Variants in ZNF385B observed in about 807,000 individuals in gnomAD.
ZNF385B encodes the protein zinc finger protein 385B.
In ZNF385B, 23 loss-of-function variants were observed where a neutral mutation model predicts 39.2. The ratio of observed to expected loss-of-function variants is 0.59; its 90% CI spans 0.42 to 0.83. ZNF385B has a LOEUF of 0.83. Among genes scored for constraint, ZNF385B ranks in the 40% least tolerant of loss-of-function variants. The pLI is 0.00. For synonymous variants in ZNF385B, 205 were observed against 222.6 expected (o/e 0.92, Z 0.70); for missense variants, 552 against 598.9 (o/e 0.92, Z 0.82).
chr2:179,818,559 G>A (rs1239864642), intron 1 of ZNF385B, among the ~76,000 whole-genome samples: 1 of 152,104 alleles, frequency 6.6e-6, no homozygotes, highest in Non-Finnish European at 1.5e-5. Context: ...TCTCTCGCTA[G>A]AGTGTTAATA....
intron 3 of ZNF385B, among the ~76,000 whole-genome samples, chr2:179,546,426 G>A (rs531445010): frequency 9.2e-5 from 14 of 152,192 alleles, no homozygotes; most frequent in Non-Finnish European, 1.8e-4. Context: ...TCTGTGTCCA[G>A]TTCAATTGTT....
intron 3 of ZNF385B, among the ~76,000 whole-genome samples, chr2:179,707,446 C>T (rs1699691907): frequency 6.6e-6 from 1 of 152,230 alleles, no homozygotes; most frequent in African/African-American, 2.4e-5. Context: ...GAGCAACATC[C>T]TCACATCTCC....
chr2:179,540,560 C>G (rs2059856608), intron 4 of ZNF385B, among the ~76,000 whole-genome samples: 1 of 152,126 alleles, frequency 6.6e-6, no homozygotes, highest in Non-Finnish European at 1.5e-5. Context: ...ATCGCCTGGT[C>G]TTAGAAGGGA....
intron 3 of ZNF385B, among the ~76,000 whole-genome samples, chr2:179,645,270 T>G (rs1315736386): frequency 6.6e-6 from 1 of 152,212 alleles, no homozygotes; most frequent in East Asian, 1.9e-4. Flanking sequence ...CAGAACTTTG[T>G]AATTTCTGAC....
chr2:179,642,217 T>C (rs1692327844), intron 3 of ZNF385B, among the ~76,000 whole-genome samples: 1 of 152,206 alleles, frequency 6.6e-6, no homozygotes, highest in Admixed American at 6.6e-5. Flanking sequence ...TCTTGTCTTC[T>C]ACCTTCAGAT....
At chr2:179,691,540 C>T (rs1468111716) in intron 3 of ZNF385B, among the ~76,000 whole-genome samples, 1 of 152,170 alleles carries the variant, frequency 6.6e-6, no homozygotes, top group African/African-American at 2.4e-5. Flanking sequence ...CACAGAACCT[C>T]ACATCCTGAT....
At chr2:179,531,171 C>T (rs931019059) in intron 4 of ZNF385B, among the ~76,000 whole-genome samples, 4 of 152,116 alleles carry the variant, frequency 2.6e-5, no homozygotes, top group Admixed American at 1.3e-4. Flanking sequence ...TCAGGTAACA[C>T]CTGAACCCAG....
intron 4 of ZNF385B, among the ~76,000 whole-genome samples, chr2:179,529,285 C>T (rs1317983177): frequency 6.6e-6 from 1 of 152,134 alleles, no homozygotes; most frequent in Non-Finnish European, 1.5e-5. Flanking sequence ...CGAATTATGT[C>T]TTCTAAGAAA....
At chr2:179,660,622 G>A (rs1694352715) in intron 3 of ZNF385B, among the ~76,000 whole-genome samples, 1 of 151,694 alleles carries the variant, frequency 6.6e-6, no homozygotes, top group Non-Finnish European at 1.5e-5. Flanking sequence ...TTTATTATTC[G>A]GTGCTATGAG....
intron 1 of ZNF385B, among the ~76,000 whole-genome samples, chr2:179,833,787 A>G (rs1036431651): frequency 1.6e-4 from 24 of 152,174 alleles, no homozygotes; most frequent in African/African-American, 5.8e-4. Flanking sequence ...GAACCTAATT[A>G]TATATCCAAT....
At chr2:179,843,791 C>G (rs1352110) in intron 1 of ZNF385B, among the ~76,000 whole-genome samples, 50,169 of 152,142 alleles carry the variant, frequency 0.33, 8,711 homozygotes, top group African/African-American at 0.42. Flanking sequence ...CTTCAACATA[C>G]AGGCAGGGCC....
At chr2:179,665,713 A>C (rs1355834408) in intron 3 of ZNF385B, among the ~76,000 whole-genome samples, 1 of 152,150 alleles carries the variant, frequency 6.6e-6, no homozygotes, top group Non-Finnish European at 1.5e-5. Context: ...CCCTTCCTAC[A>C]CTGGATAGCA....
chr2:179,807,653 T>C (rs1706443372), intron 1 of ZNF385B, among the ~76,000 whole-genome samples: 1 of 151,818 alleles, frequency 6.6e-6, no homozygotes, highest in Non-Finnish European at 1.5e-5. Flanking sequence ...CCCAGCACTT[T>C]AGGAGGCCAA....
chr2:179,651,156 G>C (rs890958648), intron 3 of ZNF385B, among the ~76,000 whole-genome samples: 1 of 151,260 alleles, frequency 6.6e-6, no homozygotes, highest in Non-Finnish European at 1.5e-5. Context: ...TTTTAACCAC[G>C]TAAGGAAAAT....
intron 1 of ZNF385B, among the ~76,000 whole-genome samples, chr2:179,819,336 C>T (rs550543162): frequency 1.3e-5 from 2 of 152,206 alleles, no homozygotes; most frequent in Non-Finnish European, 2.9e-5. Context: ...CAGTGCAGAC[C>T]TTGGAATCTT....
chr2:179,698,649 AAT>A (rs1232055749), intron 3 of ZNF385B, among the ~76,000 whole-genome samples: 2 of 152,214 alleles, frequency 1.3e-5, no homozygotes, highest in African/African-American at 4.8e-5. Context: ...TTAAACTGGA[AAT>A]ATATAGAGTT....
chr2:179,812,646 C>T (rs1183214409), intron 1 of ZNF385B, among the ~76,000 whole-genome samples: 1 of 151,996 alleles, frequency 6.6e-6, no homozygotes, highest in Admixed American at 6.6e-5. Context: ...CACTAGAGCA[C>T]AGAGGGAGAG....
intron 3 of ZNF385B, among the ~76,000 whole-genome samples, chr2:179,754,404 G>C (rs982243479): frequency 3.3e-5 from 5 of 152,020 alleles, no homozygotes; most frequent in African/African-American, 4.8e-5. Flanking sequence ...CTTTTTTGCT[G>C]TGCCTCTACC....
At chr2:179,663,916 A>G (rs1278684771) in intron 3 of ZNF385B, among the ~76,000 whole-genome samples, 3 of 152,078 alleles carry the variant, frequency 2.0e-5, no homozygotes, top group African/African-American at 7.2e-5. Flanking sequence ...CAAATCTTCA[A>G]ATCCAGTGGT....
Sources: gnomAD v4.1 joint callset for allele counts (sites outside exome capture counted in the v4.1 genomes callset) on GRCh38, gnomAD v4.1.1 for gene constraint, MANE v1.5 for transcripts, NCBI Gene and HGNC (gene_info 2026-07-23, HGNC 2026-07-21) for gene names.